GPC5: variants seen among roughly 807,000 people sequenced by gnomAD.
The protein encoded by GPC5 is glypican 5.
Under a neutral mutation model 53.9 loss-of-function variants are expected in GPC5, and 47 were observed. The ratio of observed to expected loss-of-function variants is 0.87; its 90% CI spans 0.69 to 1.11. The LOEUF (loss-of-function observed/expected upper bound fraction) is 1.11. GPC5 is among the 50% of genes most tolerant of loss of function. The pLI, the probability that GPC5 is intolerant of heterozygous loss-of-function variation, is 0.00. For missense variants in GPC5, 748 were observed against 713.1 expected, an observed-to-expected ratio of 1.05 and a Z score of -0.56; for synonymous variants, 286 against 263.3, an observed-to-expected ratio of 1.09 and a Z score of -0.84.
chr13:92,242,232 C>CAAA lies in GPC5; in HGVS notation c.1561+97261_1561+97263dup, dbSNP rs752173365. ...TGAGGAATAGAGCAAGACTCTGTCTCAAAAAAAAAAAAAAAAAAAATTATT... is the reference window on the plus strand; with the variant it reads ...TGAGGAATAGAGCAAGACTCTGTCTCAAAAAAAAAAAAAAAAAAAAAAATTATT... On this transcript the variant is annotated intron_variant, in intron 7 of 7. Transcript: ENST00000377067. Among the ~76,000 whole-genome samples, 645 of 81,836 alleles carry CAAA rather than the reference C, an allele frequency of 7.9e-3. 6 individuals carry two copies. Among genetic ancestry groups the CAAA allele is most frequent in the Middle Eastern group, 0.071 (9 of 126 alleles). 53.7% of individuals were successfully genotyped at this position (81,836 alleles called of 152,430 possible).
chr13:92,651,144 G>C (rs1885944571), intron 7 of GPC5, among the ~76,000 whole-genome samples: 1 of 151,278 alleles, frequency 6.6e-6, no homozygotes, highest in African/African-American at 2.4e-5. Context: ...GATCTTGTGA[G>C]CTAATACTTA....
intron 6 of GPC5, among the ~76,000 whole-genome samples, chr13:91,973,395 C>G (rs1301933264): frequency 6.6e-6 from 1 of 152,184 alleles, no homozygotes; most frequent in Non-Finnish European, 1.5e-5. Context: ...TTTCTAACTT[C>G]TTTGCCATTG....
At chr13:91,572,850 C>G (rs1323749469) in intron 2 of GPC5, among the ~76,000 whole-genome samples, 1 of 152,112 alleles carries the variant, frequency 6.6e-6, no homozygotes, top group Non-Finnish European at 1.5e-5. Flanking sequence ...TCAACCTATT[C>G]TAATTCTTAT....
At chr13:92,057,895 A>AAG (rs756277396) in intron 6 of GPC5, among the ~76,000 whole-genome samples, 8 of 152,186 alleles carry the variant, frequency 5.3e-5, no homozygotes, top group Non-Finnish European at 1.2e-4. Context: ...TACAGAGGAA[A>AAG]AGAGAAAAAA....
chr13:91,422,219 T>C (rs1005855189), intron 1 of GPC5, among the ~76,000 whole-genome samples: 20 of 152,210 alleles, frequency 1.3e-4, no homozygotes, highest in African/African-American at 4.1e-4. Context: ...GTAAGGTGCG[T>C]ATAAAAATAG....
chr13:92,854,545 C>T (rs1294253947), intron 7 of GPC5, among the ~76,000 whole-genome samples: 5 of 151,698 alleles, frequency 3.3e-5, no homozygotes, highest in Non-Finnish European at 7.4e-5. Context: ...AATGTGATTA[C>T]ATATGATATG....
intron 6 of GPC5, among the ~76,000 whole-genome samples, chr13:92,131,141 A>C (rs921740341): frequency 6.6e-6 from 1 of 151,952 alleles, no homozygotes; most frequent in Non-Finnish European, 1.5e-5. Flanking sequence ...AAACACCACT[A>C]TATACCCACT....
chr13:92,287,969 T>C (rs1375330808), intron 7 of GPC5, among the ~76,000 whole-genome samples: 1 of 152,136 alleles, frequency 6.6e-6, no homozygotes, highest in African/African-American at 2.4e-5. Context: ...ATTTTCACAC[T>C]GGACAATTCC....
At chr13:91,534,258 A>G (rs1367445498) in intron 2 of GPC5, among the ~76,000 whole-genome samples, 2 of 152,158 alleles carry the variant, frequency 1.3e-5, no homozygotes, top group South Asian at 4.1e-4. Flanking sequence ...TAGAAACCCT[A>G]TGTGTTACCC....
chr13:92,420,935 T>C (rs1278873437), intron 7 of GPC5, among the ~76,000 whole-genome samples: 1 of 152,252 alleles, frequency 6.6e-6, no homozygotes, highest in Non-Finnish European at 1.5e-5. Flanking sequence ...CTACTGTGAA[T>C]AGTGCTGCAA....
intron 7 of GPC5, among the ~76,000 whole-genome samples, chr13:92,559,427 A>C (rs1316179755): frequency 6.6e-6 from 1 of 151,086 alleles, no homozygotes; most frequent in African/African-American, 2.4e-5. Flanking sequence ...TTCACGTCTT[A>C]AAAATCCTTT....
intron 7 of GPC5, among the ~76,000 whole-genome samples, chr13:92,519,803 A>T (rs1880957529): frequency 6.6e-6 from 1 of 152,256 alleles, no homozygotes. Context: ...GGAGATAGAG[A>T]CACAAAAAAC....
chr13:91,724,319 C>T (rs550531668), intron 3 of GPC5, among the ~76,000 whole-genome samples: 2 of 152,244 alleles, frequency 1.3e-5, no homozygotes, highest in East Asian at 1.9e-4. Context: ...TCTCTGTTAA[C>T]ACCAAGCATC....
Position 92,467,760 on chromosome 13 carries a change from A to G in GPC5, c.1561+322771A>G, listed in dbSNP as rs541564350. ...GCCTAGATGTAGGTTTAGTTTTGAGAACACAAAGGAGACTTGTGAACTTTA... is the reference window on the plus strand; with the variant it reads ...GCCTAGATGTAGGTTTAGTTTTGAGGACACAAAGGAGACTTGTGAACTTTA... On this transcript the variant is annotated intron_variant, in intron 7 of 7. Coordinates refer to ENST00000377067, the MANE Select transcript of GPC5 (RefSeq NM_004466.6). Among the ~76,000 whole-genome samples, 4 of 152,228 alleles carry G rather than the reference A, an allele frequency of 2.6e-5. No individual in the cohort carries two copies. In the South Asian group the frequency reaches 8.3e-4, roughly 32 times the overall value.
intron 5 of GPC5, among the ~76,000 whole-genome samples, chr13:91,810,938 CAA>C (rs35192534): frequency 0.014 from 1,522 of 105,706 alleles, 21 homozygotes; most frequent in African/African-American, 0.046. Context: ...TTTGTGTAAC[CAA>C]AAAAAAAAAA....
intron 7 of GPC5, among the ~76,000 whole-genome samples, chr13:92,431,595 G>A (rs372901468): frequency 1.3e-5 from 2 of 151,998 alleles, no homozygotes; most frequent in South Asian, 4.2e-4. Flanking sequence ...AGATGGAGAT[G>A]GGATGAAATA....
At chr13:91,553,797 A>G (rs1372690205) in intron 2 of GPC5, among the ~76,000 whole-genome samples, 1 of 152,110 alleles carries the variant, frequency 6.6e-6, no homozygotes, top group East Asian at 1.9e-4. Context: ...CAAAAGGAAT[A>G]AAAAGCTCTC....
chr13:91,438,069 T>G (rs542678865), intron 1 of GPC5, among the ~76,000 whole-genome samples: 14 of 152,190 alleles, frequency 9.2e-5, no homozygotes, highest in African/African-American at 2.9e-4. Flanking sequence ...ATTCGTCTAA[T>G]TTTTTTTCAA....
chr13:91,964,162 G>C lies in GPC5; in HGVS notation c.1401+56105G>C, dbSNP rs144004415. On this transcript the variant is annotated intron_variant, in intron 6 of 7. Coordinates refer to ENST00000377067, the MANE Select transcript of GPC5 (RefSeq NM_004466.6). ...TGGGTTCATGGTCTCACTGACTTCA[G>C]GATTGAAGCTGCAGACCTTCACAGT... Among the ~76,000 whole-genome samples the C allele has an allele frequency of 1.1e-4, 17 of 152,272 alleles. No individual in the cohort carries two copies. In the East Asian group the frequency reaches 3.1e-3, roughly 28 times the overall value.
Sources: allele counts gnomAD v4.1 joint callset (sites outside exome capture counted in the v4.1 genomes callset), GRCh38; gene constraint gnomAD v4.1.1; transcripts MANE v1.5; gene names NCBI Gene and HGNC (gene_info 2026-07-23, HGNC 2026-07-21).